EXOC6B: variants seen among roughly 807,000 people sequenced by gnomAD.
EXOC6B encodes the protein exocyst complex component 6B.
In EXOC6B, 54 loss-of-function variants were observed where a neutral mutation model predicts 113.5. The ratio of observed to expected loss-of-function variants is 0.48; its 90% CI spans 0.38 to 0.60. The LOEUF (loss-of-function observed/expected upper bound fraction) is 0.60. Among genes scored for constraint, EXOC6B ranks in the 20% least tolerant of loss-of-function variants. The probability of loss-of-function intolerance (pLI) is 0.00; values close to 1 mark genes in which losing one functional copy is unlikely to be tolerated. For synonymous variants in EXOC6B, 357 were observed against 339.0 expected, an observed-to-expected ratio of 1.05 and a Z score of -0.58; for missense variants, 797 against 977.5, an observed-to-expected ratio of 0.82 and a Z score of 2.46.
At chr2:72,488,915 C>A (rs549438509) in intron 16 of EXOC6B, among the ~76,000 whole-genome samples, 5 of 152,176 alleles carry the variant, frequency 3.3e-5, no homozygotes, top group African/African-American at 9.6e-5. Flanking sequence ...GGCTTTACGA[C>A]GGCCTACCAT....
intron 8 of EXOC6B, among the ~76,000 whole-genome samples, chr2:72,537,381 C>T (rs1013995930): frequency 2.0e-5 from 3 of 150,534 alleles, no homozygotes; most frequent in Admixed American, 6.7e-5. Context: ...GCAGGTGGAT[C>T]GTATTACTTT....
intron 1 of EXOC6B, among the ~76,000 whole-genome samples, chr2:72,768,342 A>G (rs1380741161): frequency 9.3e-5 from 12 of 129,024 alleles, no homozygotes; most frequent in Admixed American, 9.1e-4. Context: ...CCCAGGCTGG[A>G]GTGCAATGGT....
At chr2:72,804,322 A>T (rs1685459964) in intron 1 of EXOC6B, among the ~76,000 whole-genome samples, 1 of 152,226 alleles carries the variant, frequency 6.6e-6, no homozygotes, top group South Asian at 2.1e-4. Flanking sequence ...GCCTCAGAGA[A>T]CAAGATTGCT....
chr2:72,570,914 T>C (rs1704476640), intron 7 of EXOC6B, among the ~76,000 whole-genome samples: 1 of 152,204 alleles, frequency 6.6e-6, no homozygotes, highest in Non-Finnish European at 1.5e-5. Context: ...CAACAGTAAC[T>C]ATTATATACT....
intron 20 of EXOC6B, among the ~76,000 whole-genome samples, chr2:72,231,539 TA>T (rs893601404): frequency 4.6e-5 from 7 of 152,096 alleles, no homozygotes; most frequent in Admixed American, 3.3e-4. Flanking sequence ...AATAAGTATA[TA>T]AAAAATGGGC....
chr2:72,484,346 C>T (rs1380557428), intron 16 of EXOC6B, among the ~76,000 whole-genome samples: 1 of 149,450 alleles, frequency 6.7e-6, no homozygotes, highest in Admixed American at 6.7e-5. Flanking sequence ...ATCACGAGGT[C>T]AGGAGATCAA....
intron 6 of EXOC6B, among the ~76,000 whole-genome samples, chr2:72,645,862 T>C (rs2104374570): frequency 6.6e-6 from 1 of 152,206 alleles, no homozygotes; most frequent in African/African-American, 2.4e-5. Flanking sequence ...ATCAACACCC[T>C]AACATCACAA....
At chr2:72,508,615 T>C (rs1278420104) in intron 11 of EXOC6B, among the ~76,000 whole-genome samples, 1 of 151,626 alleles carries the variant, frequency 6.6e-6, no homozygotes, top group African/African-American at 2.4e-5. Flanking sequence ...CTACTAAAAA[T>C]ACAAAAAAAT....
intron 18 of EXOC6B, among the ~76,000 whole-genome samples, chr2:72,458,111 T>C (rs907034405): frequency 3.3e-5 from 5 of 152,118 alleles, no homozygotes; most frequent in Non-Finnish European, 5.9e-5. Context: ...TTTCCAGTCC[T>C]CTCTATATAC....
intron 7 of EXOC6B, among the ~76,000 whole-genome samples, chr2:72,560,195 G>A (rs1224117654): frequency 6.6e-6 from 1 of 151,932 alleles, no homozygotes; most frequent in Non-Finnish European, 1.5e-5. Flanking sequence ...AAGAACTGGA[G>A]TCTAGTTTCA....
chr2:72,820,563 T>G (rs1573851593), intron 1 of EXOC6B, among the ~76,000 whole-genome samples: 2 of 152,226 alleles, frequency 1.3e-5, no homozygotes, highest in East Asian at 3.9e-4. Flanking sequence ...CGCTGAAAAC[T>G]AGAGCAAACT....
intron 20 of EXOC6B, among the ~76,000 whole-genome samples, chr2:72,257,612 A>C (rs1013648675): frequency 6.6e-6 from 1 of 152,214 alleles, no homozygotes. Flanking sequence ...CTTGAATTAC[A>C]TGTCTGTCAG....
Position 72,689,675 on chromosome 2 carries a change from T to C in EXOC6B, c.669+28428A>G, listed in dbSNP as rs1482831279. Among the ~76,000 whole-genome samples, 3 of 152,154 alleles carry C rather than the reference T, an allele frequency of 2.0e-5. No individual in the cohort carries two copies. The East Asian group carries it at 5.8e-4, about 29-fold the overall frequency. On this transcript the variant is annotated intron_variant, in intron 6 of 21. Coordinates refer to ENST00000272427, the MANE Select transcript of EXOC6B (RefSeq NM_015189.3). ...GTGCCAGGATCCTTACTCACACGCT[T>C]GTTCTCCTAGGGATTCTACTATCTC...
At chr2:72,407,782 G>A (rs1382945069) in intron 18 of EXOC6B, among the ~76,000 whole-genome samples, 1 of 152,182 alleles carries the variant, frequency 6.6e-6, no homozygotes, top group Admixed American at 6.5e-5. Context: ...AAAACTGGAA[G>A]CATTCCCTTT....
intron 6 of EXOC6B, among the ~76,000 whole-genome samples, chr2:72,662,276 AAG>A (rs1463119518): frequency 1.1e-4 from 17 of 152,176 alleles, no homozygotes; most frequent in Non-Finnish European, 2.5e-4. Context: ...ATAAGACAAA[AAG>A]TTCTTAGACA....
chr2:72,190,872 T>G (rs1678786318), intron 20 of EXOC6B, among the ~76,000 whole-genome samples: 1 of 152,180 alleles, frequency 6.6e-6, no homozygotes, highest in African/African-American at 2.4e-5. Context: ...GACATTACAT[T>G]TTGGAGCATT....
intron 18 of EXOC6B, among the ~76,000 whole-genome samples, chr2:72,389,308 A>T (rs890480109): frequency 6.6e-6 from 1 of 151,940 alleles, no homozygotes; most frequent in African/African-American, 2.4e-5. Context: ...ACACAATTCC[A>T]TATATAAAAA....
chr2:72,648,685 G>A (rs1029603766), intron 6 of EXOC6B, among the ~76,000 whole-genome samples: 7 of 152,306 alleles, frequency 4.6e-5, no homozygotes, highest in Middle Eastern at 3.4e-3. Flanking sequence ...TAAAGAAAAT[G>A]TGGTACATAT....
chr2:72,300,007 C>A (rs1350549170), intron 20 of EXOC6B, among the ~76,000 whole-genome samples: 1 of 152,102 alleles, frequency 6.6e-6, no homozygotes, highest in African/African-American at 2.4e-5. Context: ...GGTCAGGGAC[C>A]CACTTGATGA....
Sources: allele counts gnomAD v4.1 joint callset (sites outside exome capture counted in the v4.1 genomes callset), GRCh38; gene constraint gnomAD v4.1.1; transcripts MANE v1.5; gene names NCBI Gene and HGNC (gene_info 2026-07-23, HGNC 2026-07-21).